MYH7: variants seen among roughly 807,000 people sequenced by gnomAD.
The protein encoded by MYH7 is myosin heavy chain 7.
Under a neutral mutation model 225.4 loss-of-function variants are expected in MYH7, and 129 were observed. The ratio of observed to expected loss-of-function variants is 0.57; its 90% confidence interval spans 0.50 to 0.66. The LOEUF (loss-of-function observed/expected upper bound fraction) is 0.66. Among genes scored for constraint, MYH7 ranks in the 30% least tolerant of loss-of-function variants. The probability of loss-of-function intolerance (pLI) is 0.00; values close to 1 mark genes in which losing one functional copy is unlikely to be tolerated. For missense variants in MYH7, 1,649 were observed against 2,517.0 expected, an observed-to-expected ratio of 0.66 and a Z score of 7.38; for synonymous variants, 971 against 1,007.6, an observed-to-expected ratio of 0.96 and a Z score of 0.69.
chr14:23,414,166 G>T, intron 37 of MYH7, 64 bp from the exon 38 acceptor site: 1 of 1,406,248 alleles, frequency 7.1e-7, no homozygotes, highest in Non-Finnish European at 1.0e-6. Context: ...CATCCCCTCC[G>T]CCCTGCCCTG....
At position 23,412,873 on chromosome 14, in the gene MYH7, T is replaced by A; in HGVS notation, c.5791-2A>T. ...GCAAAGCTACTCCTCATTCAAGCCC[T>A]TTTGAAAGGAAACAAAGTCCAATCA... On this transcript the variant is annotated splice_acceptor_variant, in intron 39 of 39. Transcript: ENST00000355349. LOFTEE classifies it high-confidence loss of function. The A allele has an allele frequency of 6.2e-7, 1 of 1,613,920 alleles. No homozygotes were observed. The highest frequency in any genetic ancestry group is 1.3e-5 in the African/African-American group (1 of 75,052).
intron 25 of MYH7, 150 bp downstream of exon 25, chr14:23,422,030 A>G: frequency 8.0e-7 from 1 of 1,242,394 alleles, no homozygotes; most frequent in South Asian, 1.3e-5. Context: ...AGGGGAGGAA[A>G]GCCCTTGCCT....
At position 23,429,136 on chromosome 14, in the gene MYH7, A is replaced by G. The variant is rs774409991; in HGVS notation, c.1258-32T>C. On this transcript the variant is annotated intron_variant, in intron 13 of 39. Transcript: ENST00000355349. ...GGTGGAGGAGAGACCCATATTGAGC[A>G]GGGTTGTTGGGAAGAGTGAACTTGA... is the stretch of plus-strand genomic sequence containing the variant. 11 of 1,614,094 alleles carry G rather than the reference A, an allele frequency of 6.8e-6. No homozygotes were observed. The South Asian group carries it at 1.2e-4, about 18-fold the overall frequency.
intron 12 of MYH7, 78 bp downstream of exon 12, chr14:23,429,697 A>AAGAGAAG: frequency 1.3e-6 from 2 of 1,562,934 alleles, no homozygotes; most frequent in Non-Finnish European, 1.7e-6. Flanking sequence ...AAAAAGAAAA[A>AAGAGAAG]AGAGAAGAGA....
chr14:23,425,859 G>A lies in MYH7; in HGVS notation c.2163-41C>T. 6.2e-7 allele frequency: 1 copy of A among 1,613,430 alleles called. No homozygotes were observed. Among genetic ancestry groups the A allele is most frequent in the Non-Finnish European group, 8.5e-7 (1 of 1,179,956 alleles). Reference sequence around the variant, plus strand: ...TCCAGAGTCACCCATGCTCTGCAGTGATCTGCTCTGCCCATAGAATTCCAG... The same window carrying A: ...TCCAGAGTCACCCATGCTCTGCAGTAATCTGCTCTGCCCATAGAATTCCAG... On this transcript the variant is annotated intron_variant, in intron 19 of 39. Coordinates refer to ENST00000355349, the MANE Select transcript of MYH7 (RefSeq NM_000257.4). This position sits in a 1 kb window ranked among gnomAD's most constrained non-coding sequence, Gnocchi z 4.6.
At chr14:23,412,965 G>C in intron 39 of MYH7, 94 bp from the exon 40 acceptor site, 2 of 1,321,566 alleles carry the variant, frequency 1.5e-6, no homozygotes, top group Admixed American at 3.5e-5. Flanking sequence ...GTCTGATGGT[G>C]GGGGGCCTGC....
Position 23,418,196 on chromosome 14 carries a change from T to A in MYH7, c.4169+14A>T. ...AAGGGGCCTCAGCCAGAAGTCAGGC[T>A]GCTCAGAACTCACTTGGCCTCCTCG... On this transcript the variant is annotated intron_variant, in intron 30 of 39. Transcript: ENST00000355349. 6.2e-7 allele frequency: 1 copy of A among 1,613,334 alleles called. No individual in the cohort carries two copies. The highest frequency in any genetic ancestry group is 8.5e-7 in the Non-Finnish European group (1 of 1,180,030).
rs28933098 is a variant in MYH7, at chr14:23,415,021, G to A, written c.5533C>T (p.Arg1845Trp). ...ESVKGMRKSE[R>W]RIKELTYQTE... ...TGGTAGGTGAGCTCCTTGATGCGCC[G>A]CTCGCTCTTCCTCATGCCCTTCACC... Residue 1845 changes from arginine to tryptophan, a missense_variant, in exon 37 of 40, where the codon CGG becomes TGG. Physicochemically the swap from Arg to Trp is moderately radical, Grantham distance 101 (BLOSUM62 -3). Around this residue, in one of 12 missense-constraint regions of MYH7, gnomAD observed 687 missense variants for 913.8 expected, o/e 0.75. Coordinates refer to ENST00000355349, the MANE Select transcript of MYH7 (RefSeq NM_000257.4). This position sits in a 1 kb window ranked among gnomAD's most constrained non-coding sequence, Gnocchi z 6.3. The A allele has an allele frequency of 1.2e-6, 2 of 1,609,910 alleles. No individual in the cohort carries two copies.
In MYH7 at chr14:23,432,629, G is replaced by C. The variant is rs566733151; in HGVS notation, c.502+10C>G. The C allele has an allele frequency of 6.2e-7, 1 of 1,614,110 alleles. No individual in the cohort carries two copies. Among genetic ancestry groups the C allele is most frequent in the Admixed American group, 1.7e-5 (1 of 60,008 alleles). On this transcript the variant is annotated intron_variant, in intron 5 of 39. Transcript: ENST00000355349. ...GTTCCCTTCAGGAAGACCCTTCCAG[G>C]GCCTCTCACCTGTCAGCATGTACTG...
intron 17 of MYH7, 68 bp downstream of exon 17, chr14:23,427,172 G>A: frequency 6.7e-7 from 1 of 1,492,080 alleles, no homozygotes; most frequent in Non-Finnish European, 9.3e-7. Flanking sequence ...AACAAGGCAG[G>A]GAAGGGTGGG....
intron 25 of MYH7, chr14:23,421,910 A>T: frequency 5.8e-6 from 3 of 517,048 alleles, no homozygotes; most frequent in African/African-American, 4.2e-5. Flanking sequence ...TGAAGGGGGA[A>T]GGCTGTTATT....
Position 23,418,374 on chromosome 14 carries a change from C to T in MYH7, c.4005G>A (p.Ser1335=), listed in dbSNP as rs144465613. The change falls in exon 30 of 40, where the codon TCG becomes TCA. Residue 1335 remains serine, a synonymous_variant. Transcript: ENST00000355349. ...AKNALAHALQ[S]ARHDCDLLRE... ...GCAGCAGGTCGCAGTCATGCCGGGC[C>T]GACTGCAGTGCGTGGGCCAGGGCGT... is the stretch of plus-strand genomic sequence containing the variant. The T allele has an allele frequency of 1.4e-4, 225 of 1,613,068 alleles. No homozygotes were observed. In the African/African-American group the frequency reaches 1.5e-3, roughly 11 times the overall value.
Position 23,415,795 on chromosome 14 carries a change from T to C in MYH7, c.4991A>G (p.Asn1664Ser), listed in dbSNP as rs1398693075. 1 of 1,614,198 alleles carries C rather than the reference T, an allele frequency of 6.2e-7. No individual in the cohort carries two copies. Among genetic ancestry groups the C allele is most frequent in the South Asian group, 1.1e-5 (1 of 91,086 alleles). Residue 1664 changes from asparagine (N) to serine (S), a missense_variant, in exon 35 of 40, where the codon AAC becomes AGC. Asn to Ser is a conservative substitution (Grantham distance 46). Around this residue, in one of 12 missense-constraint regions of MYH7, gnomAD observed 687 missense variants for 913.8 expected, o/e 0.75. Transcript: ENST00000355349. This position sits in a 1 kb window ranked among gnomAD's most constrained non-coding sequence, Gnocchi z 6.3. The stretch of plus-strand genomic sequence containing the variant: ...GGCGATGTTCTCCTTCAGGTCGTCG[T>C]TGGCACGGACTGCATCGTCCAGCTG... ...QIQLDDAVRA[N>S]DDLKENIAIV...
In MYH7 at chr14:23,417,173, C is replaced by T. The variant is rs121913647; in HGVS notation, c.4499G>A (p.Arg1500Gln). The change falls in exon 32 of 40, where the codon CGG (arginine) becomes CAG (glutamine). Residue 1500 changes from arginine to glutamine, a missense_variant. Physicochemically the swap from Arg to Gln is conservative, Grantham distance 43. Coordinates refer to ENST00000355349, the MANE Select transcript of MYH7 (RefSeq NM_000257.4). ...ESLEHLETFKRENKNLQEEIS... is the reference protein window; with the variant it reads ...ESLEHLETFKQENKNLQEEIS... ...CACACCCTGCAGGTTTTTGTTCTCC[C>T]GCTTGAAGGTCTCCAGATGTTCCAG... The T allele has an allele frequency of 5.6e-6, 9 of 1,614,148 alleles. No homozygotes were observed. The highest frequency in any genetic ancestry group is 6.8e-6 in the Non-Finnish European group (8 of 1,180,004).
intron 37 of MYH7, among the ~76,000 whole-genome samples, chr14:23,414,353 C>A (rs775807387): frequency 1.8e-4 from 28 of 152,132 alleles, no homozygotes; most frequent in Non-Finnish European, 4.1e-4. Flanking sequence ...TGCAGTGCTC[C>A]AGGGAGCAGG....
intron 15 of MYH7, 22 bp downstream of exon 15, chr14:23,428,478 G>T (rs746618798): frequency 1.2e-6 from 2 of 1,614,150 alleles, no homozygotes; most frequent in Non-Finnish European, 1.7e-6. Flanking sequence ...GGAGAATTCA[G>T]GTGGTAAGGC....
rs45539431 is a variant in MYH7 at position 23,427,221 on chromosome 14, G to A, written c.1956+19C>T. On this transcript the variant is annotated intron_variant, in intron 17 of 39. Coordinates refer to ENST00000355349, the MANE Select transcript of MYH7 (RefSeq NM_000257.4). Reference sequence around the variant, plus strand: ...GGGCAGATGGGGAGCCAAGTTGGCTGGGGCTGTGTCCCACTCACCCTGTGC... The same window carrying A: ...GGGCAGATGGGGAGCCAAGTTGGCTAGGGCTGTGTCCCACTCACCCTGTGC... 2.5e-6 allele frequency: 4 copies of A among 1,612,972 alleles called. No homozygotes were observed. The highest frequency in any genetic ancestry group is 3.3e-5 in the Admixed American group (2 of 60,018).
Position 23,414,061 on chromosome 14 carries a change from C to T in MYH7, c.5601G>A (p.Leu1867=), listed in dbSNP as rs1060504233. The stretch of plus-strand genomic sequence containing the variant: ...TGACCTTTAGCTGCAGCTTGTCTAC[C>T]AGGTCCTGCAGCCGCAGCAGGTTTT... ...DRKNLLRLQD[L]VDKLQLKVKA... Residue 1867 remains leucine, a synonymous_variant, in exon 38 of 40, where the codon CTG becomes CTA. Coordinates refer to ENST00000355349, the MANE Select transcript of MYH7 (RefSeq NM_000257.4). The T allele has an allele frequency of 6.2e-7, 1 of 1,613,970 alleles. No individual in the cohort carries two copies. Among genetic ancestry groups the T allele is most frequent in the Non-Finnish European group, 8.5e-7 (1 of 1,180,022 alleles).
rs531833537 is a variant in MYH7, at chr14:23,433,356, A to G, written c.202-129T>C. 1.1e-5 allele frequency: 17 copies of G among 1,482,016 alleles called. No individual in the cohort carries two copies. In the South Asian group the frequency reaches 1.2e-4, roughly 10 times the overall value. 91.8% of individuals were successfully genotyped at this position (1,482,016 alleles called of 1,614,324 possible). On this transcript the variant is annotated intron_variant, in intron 3 of 39. Transcript: ENST00000355349. This position sits in a 1 kb window ranked among gnomAD's most constrained non-coding sequence, Gnocchi z 4.1. ...AAGGAACCAGGATCTCACAGGGAAG[A>G]CAGAAGGGATATTGGGAAGGAGAGG... is the stretch of plus-strand genomic sequence containing the variant.
Sources: gnomAD v4.1 joint callset for allele counts (sites outside exome capture counted in the v4.1 genomes callset) on GRCh38, gnomAD v4.1.1 for gene constraint, gnomAD v4.1.1 regional missense constraint, Gnocchi (gnomAD v3.1) non-coding constraint, MANE v1.5 for transcripts, NCBI Gene and HGNC (gene_info 2026-07-23, HGNC 2026-07-21) for gene names.